Variants in PAX5 observed in about 807,000 individuals in gnomAD.
The protein encoded by PAX5 is paired box protein Pax-5.
A neutral mutation model predicts 43.7 loss-of-function variants in PAX5; 9 were observed. That is an observed-to-expected ratio of 0.21 (90% CI 0.12 to 0.36). The LOEUF (loss-of-function observed/expected upper bound fraction) is 0.36. Ranked by LOEUF, PAX5 falls within the 10% of genes least tolerant of loss-of-function variation. The pLI, the probability that PAX5 is intolerant of heterozygous loss-of-function variation, is 1.00. For missense variants in PAX5, 383 were observed against 532.7 expected (o/e 0.72, Z 2.77); for synonymous variants, 228 against 214.3 (o/e 1.06, Z -0.56).
intron 8 of PAX5, among the ~76,000 whole-genome samples, chr9:36,850,730 C>T (rs1453998563): frequency 1.3e-5 from 2 of 152,200 alleles, no homozygotes; most frequent in African/African-American, 4.8e-5. Flanking sequence ...CAGTGAGACC[C>T]GCCTCTGGGA....
In PAX5 at chr9:36,838,544, C is replaced by A. The variant is rs74501955; in HGVS notation, c.*2016G>T. 701 of 233,238 alleles carry A rather than the reference C, an allele frequency of 3.0e-3. 5 individuals are homozygous for A. The highest frequency in any genetic ancestry group is 0.014 in the African/African-American group (643 of 45,462). 14.4% of individuals were successfully genotyped at this position (233,238 alleles called of 1,614,324 possible). A position where few individuals can be genotyped will look rare whatever the true frequency, so the allele number is the denominator to read the frequency against. ...GCCAGAGGAAGTCTGCTTTTTCTCC[C>A]TGCATGGTCCTGGCCTTCCCCAAGC... On this transcript the variant is annotated 3_prime_UTR_variant, in exon 10 of 10. Transcript: ENST00000358127.
chr9:36,899,018 C>T (rs1828132090), intron 7 of PAX5, among the ~76,000 whole-genome samples: 1 of 152,164 alleles, frequency 6.6e-6, no homozygotes, highest in African/African-American at 2.4e-5. Flanking sequence ...GGATGAAGTC[C>T]AGACCCCTCA....
chr9:37,025,588 T>C (rs973518019), intron 1 of PAX5, among the ~76,000 whole-genome samples: 2 of 152,200 alleles, frequency 1.3e-5, no homozygotes, highest in Non-Finnish European at 2.9e-5. Flanking sequence ...GGAAACGCGA[T>C]TCGTTCCACT....
chr9:37,015,974 C>T lies in PAX5; in HGVS notation c.213-780G>A, dbSNP rs372363194. ...CATTTTATAGTTTACAGAAAACTTT[C>T]GAGTCAGTTTTCCCATTTTATCTCC... On this transcript the variant is annotated intron_variant, in intron 2 of 9. Coordinates refer to ENST00000358127, the MANE Select transcript of PAX5 (RefSeq NM_016734.3). The surrounding 1 kb of genome is among the most constrained non-coding windows in gnomAD (Gnocchi z 4.4). Among the ~76,000 whole-genome samples the T allele has an allele frequency of 3.3e-5, 5 of 152,198 alleles. No homozygotes were observed. Among genetic ancestry groups the T allele is most frequent in the South Asian group, 2.1e-4 (1 of 4,834 alleles).
At chr9:37,011,538 C>T (rs1315251799) in intron 3 of PAX5, among the ~76,000 whole-genome samples, 2 of 152,178 alleles carry the variant, frequency 1.3e-5, no homozygotes, top group African/African-American at 4.8e-5. Flanking sequence ...TTTGGGATGG[C>T]CACCTCCAAT....
intron 6 of PAX5, among the ~76,000 whole-genome samples, chr9:36,957,649 G>T (rs980272510): frequency 5.3e-5 from 8 of 152,286 alleles, no homozygotes; most frequent in East Asian, 3.9e-4. Flanking sequence ...GTTGCCTCCA[G>T]CCACGAGCAT....
intron 1 of PAX5, among the ~76,000 whole-genome samples, chr9:37,032,719 T>A (rs1317911847): frequency 2.6e-5 from 4 of 152,214 alleles, no homozygotes; most frequent in African/African-American, 9.6e-5. Flanking sequence ...AGTGTTTGTG[T>A]GGGAGTTACA....
chr9:36,918,536 G>A (rs950594912), intron 7 of PAX5, among the ~76,000 whole-genome samples: 30 of 152,058 alleles, frequency 2.0e-4, no homozygotes, highest in African/African-American at 9.7e-5. Context: ...GGTGGTGCAC[G>A]CCTGTAGTCC....
intron 8 of PAX5, among the ~76,000 whole-genome samples, chr9:36,857,535 A>C (rs1297043429): frequency 6.6e-6 from 1 of 152,228 alleles, no homozygotes; most frequent in East Asian, 1.9e-4. Flanking sequence ...TCAGAAGCAG[A>C]GTAGAAATGG....
At chr9:36,925,892 A>G (rs1335190441) in intron 6 of PAX5, among the ~76,000 whole-genome samples, 3 of 152,292 alleles carry the variant, frequency 2.0e-5, no homozygotes, top group Middle Eastern at 6.8e-3. Flanking sequence ...ACCATTCCCC[A>G]GGAAGTGTGA....
chr9:36,897,256 G>A (rs1035288817), intron 7 of PAX5, among the ~76,000 whole-genome samples: 2 of 152,184 alleles, frequency 1.3e-5, no homozygotes, highest in African/African-American at 4.8e-5. Context: ...GAGGACATGC[G>A]ACTGTGAGCG....
intron 6 of PAX5, 71 bp downstream of exon 6, chr9:36,966,478 T>C (rs1260855956): frequency 2.6e-6 from 4 of 1,539,256 alleles, no homozygotes; most frequent in Non-Finnish European, 3.6e-6. Flanking sequence ...GCCAGATGCC[T>C]CTGCCTTCAG....
At chr9:36,847,904 C>G (rs947489495) in intron 8 of PAX5, among the ~76,000 whole-genome samples, 2 of 152,166 alleles carry the variant, frequency 1.3e-5, no homozygotes, top group Non-Finnish European at 1.5e-5. Context: ...CCTGTCTTCC[C>G]CCATGGCTAT....
intron 5 of PAX5, among the ~76,000 whole-genome samples, chr9:36,973,135 A>AAAGGAAAGG (rs1564026797): frequency 2.4e-4 from 18 of 74,768 alleles, no homozygotes; most frequent in Middle Eastern, 6.7e-3. Flanking sequence ...GAAAGGAAAG[A>AAAGGAAAGG]AAAGGAAAGG....
intron 8 of PAX5, chr9:36,864,398 C>A: frequency 6.5e-6 from 1 of 153,302 alleles, no homozygotes; most frequent in Middle Eastern, 1.1e-3. Context: ...GGGCGAGGAG[C>A]AATGTGTTAA....
In PAX5 at chr9:36,956,709, A is replaced by T. The variant is rs189260944; in HGVS notation, c.780+9840T>A. ...ATATTTCAAAAGCTACTTAGAGACA[A>T]ATGGACATCCCCAGGCAATATTCTT... On this transcript the variant is annotated intron_variant, in intron 6 of 9. Transcript: ENST00000358127. 1.6e-4 allele frequency among the ~76,000 whole-genome samples: 24 copies of T among 152,326 alleles called. No individual in the cohort carries two copies. The East Asian group carries it at 4.6e-3, about 29-fold the overall frequency.
intron 7 of PAX5, among the ~76,000 whole-genome samples, chr9:36,909,817 T>TTTTTTC (rs1829112340): frequency 7.1e-6 from 1 of 141,636 alleles, no homozygotes; most frequent in East Asian, 2.1e-4. Context: ...CATTTTAATT[T>TTTTTTC]TTTTTTTTTT....
In PAX5 at chr9:36,946,176, G is replaced by A. The variant is rs1832499939; in HGVS notation, c.780+20373C>T. On this transcript the variant is annotated intron_variant, in intron 6 of 9. Transcript: ENST00000358127. ...CCATCAGGAAGCGACTCCCTGAGGA[G>A]TGCTCCGTCAGGATGCAGTGCTCCA... 1.3e-5 allele frequency among the ~76,000 whole-genome samples: 2 copies of A among 151,796 alleles called. 1 individual carries two copies. Among genetic ancestry groups the A allele is most frequent in the South Asian group, 4.2e-4 (2 of 4,794 alleles).
In PAX5 at chr9:36,835,876, G is replaced by A. The variant is rs918936382; in HGVS notation, c.*4684C>T. The A allele has an allele frequency of 4.3e-6, 1 of 233,468 alleles. No individual in the cohort carries two copies. Among genetic ancestry groups the A allele is most frequent in the Non-Finnish European group, 8.5e-6 (1 of 118,330 alleles). The allele number at this position is 233,468 out of a possible 1,614,324, so 14.5% of individuals were successfully genotyped here. On this transcript the variant is annotated 3_prime_UTR_variant, in exon 10 of 10. Transcript: ENST00000358127. ...CCTGCCTGGGCCTGGCCTGGCCGTG[G>A]GGCAGGAGTTGGTTTCCACCCTCCC...
Sources: allele counts gnomAD v4.1 joint callset (sites outside exome capture counted in the v4.1 genomes callset), GRCh38; gene constraint gnomAD v4.1.1; non-coding constraint Gnocchi (gnomAD v3.1); transcripts MANE v1.5; gene names NCBI Gene and HGNC (gene_info 2026-07-23, HGNC 2026-07-21).